The following PCBP3 variants were observed in gnomAD, a reference collection of about 807,000 sequenced individuals.
The protein encoded by PCBP3 is poly(rC)-binding protein 3.
Under a neutral mutation model 52.7 loss-of-function variants are expected in PCBP3, and 25 were observed. The ratio of observed to expected loss-of-function variants is 0.47; its 90% CI spans 0.35 to 0.66. The LOEUF (loss-of-function observed/expected upper bound fraction) is 0.66. Among genes scored for constraint, PCBP3 ranks in the 30% least tolerant of loss-of-function variants. PCBP3 has a pLI of 0.01. For synonymous variants in PCBP3, 162 were observed against 183.0 expected (o/e 0.89, Z 0.93); for missense variants, 391 against 490.3 (o/e 0.80, Z 1.91).
intron 3 of PCBP3, among the ~76,000 whole-genome samples, chr21:45,739,361 C>G (rs1448232338): frequency 7.7e-6 from 1 of 129,756 alleles, no homozygotes; most frequent in African/African-American, 3.0e-5. Context: ...CCCTTCCTGT[C>G]CACGGTCCTC....
chr21:45,835,890 G>A (rs1307732101), intron 4 of PCBP3, among the ~76,000 whole-genome samples: 1 of 152,176 alleles, frequency 6.6e-6, no homozygotes, highest in African/African-American at 2.4e-5. Flanking sequence ...GCAGCCCCAG[G>A]GGAACAGGCC....
At chr21:45,766,088 G>A (rs750261228) in intron 4 of PCBP3, among the ~76,000 whole-genome samples, 11 of 152,222 alleles carry the variant, frequency 7.2e-5, no homozygotes, top group Non-Finnish European at 1.3e-4. Flanking sequence ...ACGTGGGTCC[G>A]TACAACATCG....
intron 4 of PCBP3, among the ~76,000 whole-genome samples, chr21:45,801,741 G>A (rs1284575475): frequency 6.6e-6 from 1 of 152,244 alleles, no homozygotes; most frequent in African/African-American, 2.4e-5. Context: ...TGGGCAGTAT[G>A]TGCTGTTCAG....
intron 3 of PCBP3, chr21:45,744,362 T>C (rs1322616000): frequency 6.6e-6 from 1 of 152,082 alleles, no homozygotes; most frequent in African/African-American, 2.4e-5. Context: ...ATCCAGCTAA[T>C]TTTTAAAATT....
chr21:45,739,677 T>A (rs1603358884), intron 3 of PCBP3, among the ~76,000 whole-genome samples: 1 of 120,326 alleles, frequency 8.3e-6, no homozygotes, highest in South Asian at 3.1e-4. Context: ...TTCCTATCCA[T>A]TGTCCTCTGG....
At chr21:45,749,001 G>T (rs1003891443) in intron 3 of PCBP3, among the ~76,000 whole-genome samples, 3 of 152,194 alleles carry the variant, frequency 2.0e-5, no homozygotes, top group Middle Eastern at 3.2e-3. Context: ...TACAAAGAGG[G>T]CAAGAACCAC....
chr21:45,769,646 G>A (rs1043261182), intron 4 of PCBP3, among the ~76,000 whole-genome samples: 12 of 152,242 alleles, frequency 7.9e-5, no homozygotes, highest in African/African-American at 2.7e-4. Flanking sequence ...AGGCCAGCCT[G>A]CCTCTGCCCC....
At chr21:45,651,214 T>C (rs1332700059) in intron 1 of PCBP3, among the ~76,000 whole-genome samples, 1 of 152,228 alleles carries the variant, frequency 6.6e-6, no homozygotes, top group African/African-American at 2.4e-5. Flanking sequence ...AGAAAACTGA[T>C]GTACTGATCT....
At chr21:45,812,682 A>ATGCCC (rs1280627200) in intron 4 of PCBP3, among the ~76,000 whole-genome samples, 1 of 152,186 alleles carries the variant, frequency 6.6e-6, no homozygotes, top group Non-Finnish European at 1.5e-5. Flanking sequence ...GTGAGCCACC[A>ATGCCC]TGCCCGGCTG....
rs1301436584 is a variant in PCBP3, at chr21:45,909,349, C to T, written c.340-6C>T. The T allele has an allele frequency of 6.2e-7, 1 of 1,611,510 alleles. No individual in the cohort carries two copies. The highest frequency in any genetic ancestry group is 8.5e-7 in the Non-Finnish European group (1 of 1,179,272). On this transcript the variant is annotated splice_polypyrimidine_tract_variant and splice_region_variant and intron_variant, in intron 9 of 17. Coordinates refer to ENST00000681687, the MANE Select transcript of PCBP3 (RefSeq NM_001384156.1). The stretch of plus-strand genomic sequence containing the variant: ...AGTGCTGCCAACACACGTGTCTCTC[C>T]CCTAGGATATCATCAACTCCATGAG...
At chr21:45,754,564 T>A (rs1325579365) in intron 3 of PCBP3, among the ~76,000 whole-genome samples, 1 of 152,198 alleles carries the variant, frequency 6.6e-6, no homozygotes. Context: ...TAGAAAATAT[T>A]CGTGAGTTTT....
chr21:45,771,766 AG>A (rs777869210), intron 4 of PCBP3, among the ~76,000 whole-genome samples: 46 of 152,218 alleles, frequency 3.0e-4, no homozygotes, highest in Non-Finnish European at 5.6e-4. Flanking sequence ...CAAGTTCAAT[AG>A]TCAAGAAAGA....
chr21:45,839,876 G>A (rs1456348865), intron 4 of PCBP3, among the ~76,000 whole-genome samples: 4 of 151,986 alleles, frequency 2.6e-5, no homozygotes, highest in East Asian at 2.0e-4. Flanking sequence ...CAGTAGAGAC[G>A]GGGTTTCACC....
intron 13 of PCBP3, chr21:45,918,569 G>C (rs76794577): frequency 6.4e-4 from 35 of 55,104 alleles, no homozygotes; most frequent in African/African-American, 1.4e-3. Context: ...TCAGATAAAC[G>C]GTCGGTGTAA....
At chr21:45,722,452 A>G (rs1460665920) in intron 2 of PCBP3, among the ~76,000 whole-genome samples, 4 of 152,152 alleles carry the variant, frequency 2.6e-5, no homozygotes, top group Non-Finnish European at 5.9e-5. Flanking sequence ...AATAATATCT[A>G]TTTTTATTGT....
intron 1 of PCBP3, among the ~76,000 whole-genome samples, chr21:45,648,257 C>A (rs1414528095): frequency 6.6e-6 from 1 of 152,146 alleles, no homozygotes; most frequent in African/African-American, 2.4e-5. Context: ...AAAACTGGGT[C>A]TCTTCATTTG....
At chr21:45,920,155 C>T (rs2074238034) in intron 13 of PCBP3, among the ~76,000 whole-genome samples, 1 of 152,148 alleles carries the variant, frequency 6.6e-6, no homozygotes, top group African/African-American at 2.4e-5. Context: ...TTGTGTTTAC[C>T]CCAGACAGTC....
rs891035314 is a variant in PCBP3, at chr21:45,736,873, A to G, written c.-162+1444A>G. Among the ~76,000 whole-genome samples, 3 of 152,074 alleles carry G rather than the reference A, an allele frequency of 2.0e-5. No homozygotes were observed. The highest frequency in any genetic ancestry group is 4.8e-5 in the African/African-American group (2 of 41,394). ...TCATCCTGTGGCATGTCAGGGGGTG[A>G]CAGTGGCTGTGGAGGAAACAGGGAA... On this transcript the variant is annotated intron_variant, in intron 3 of 17. Coordinates refer to ENST00000681687, the MANE Select transcript of PCBP3 (RefSeq NM_001384156.1). The surrounding 1 kb of genome is among the most constrained non-coding windows in gnomAD (Gnocchi z 4.6).
chr21:45,709,466 T>C (rs936450236), intron 2 of PCBP3, among the ~76,000 whole-genome samples: 3 of 152,182 alleles, frequency 2.0e-5, no homozygotes, highest in African/African-American at 7.2e-5. Context: ...GCAATGTCAG[T>C]GTCTGAAGAT....
Sources: gnomAD v4.1 joint callset for allele counts (sites outside exome capture counted in the v4.1 genomes callset) on GRCh38, gnomAD v4.1.1 for gene constraint, Gnocchi (gnomAD v3.1) non-coding constraint, MANE v1.5 for transcripts, NCBI Gene and HGNC (gene_info 2026-07-23, HGNC 2026-07-21) for gene names.